The following AIG1 variants were observed in gnomAD, a reference collection of about 807,000 sequenced individuals.
The protein encoded by AIG1 is androgen-induced gene 1 protein.
In AIG1, 23 loss-of-function variants were observed where a neutral mutation model predicts 31.4. The ratio of observed to expected loss-of-function variants is 0.73; its 90% CI spans 0.53 to 1.04. The LOEUF is 1.04. Ranked by LOEUF, AIG1 falls within the 50% of genes least tolerant of loss-of-function variation. AIG1 has a pLI of 0.00. For synonymous variants in AIG1, 100 were observed against 110.5 expected, an observed-to-expected ratio of 0.90 and a Z score of 0.60; for missense variants, 274 against 295.0, an observed-to-expected ratio of 0.93 and a Z score of 0.52.
At chr6:143,146,156 C>G (rs1784686037) in intron 2 of AIG1, among the ~76,000 whole-genome samples, 2 of 152,038 alleles carry the variant, frequency 1.3e-5, no homozygotes, top group Admixed American at 1.3e-4. Flanking sequence ...TAGAAATTAT[C>G]ATGTCCTATA....
At chr6:143,069,071 C>T (rs2128459900) in intron 1 of AIG1, among the ~76,000 whole-genome samples, 1 of 151,312 alleles carries the variant, frequency 6.6e-6, no homozygotes, top group South Asian at 2.1e-4. Context: ...TTAGAGTGCA[C>T]TGGCGTGATC....
At chr6:143,273,796 A>G (rs1401529527) in intron 3 of AIG1, among the ~76,000 whole-genome samples, 1 of 152,196 alleles carries the variant, frequency 6.6e-6, no homozygotes, top group Non-Finnish European at 1.5e-5. Context: ...TGCCCCCATG[A>G]TTCAATTTTC....
intron 1 of AIG1, among the ~76,000 whole-genome samples, chr6:143,105,232 C>T (rs552294845): frequency 1.3e-4 from 20 of 152,230 alleles, no homozygotes; most frequent in African/African-American, 2.4e-4. Context: ...ACTGAGAGAA[C>T]GTACATTACA....
intron 4 of AIG1, among the ~76,000 whole-genome samples, chr6:143,295,824 C>T (rs996661959): frequency 6.6e-6 from 1 of 152,026 alleles, no homozygotes; most frequent in African/African-American, 2.4e-5. Context: ...CCCAAAGTCC[C>T]CTCCCTTCAC....
At chr6:143,342,008 C>G (rs980272843), downstream of AIG1, among the ~76,000 whole-genome samples, 2 of 152,332 alleles carry the variant, frequency 1.3e-5, no homozygotes, top group African/African-American at 4.8e-5. Flanking sequence ...TCCCTGCAAT[C>G]TCCGCCTCCC....
In AIG1 at chr6:143,118,197, G is replaced by A. The variant is rs112794435; in HGVS notation, c.142-18638G>A. Among the ~76,000 whole-genome samples the A allele has an allele frequency of 3.1e-3, 467 of 152,122 alleles. 5 individuals carry two copies. The highest frequency in any genetic ancestry group is 0.011 in the African/African-American group (444 of 41,514). ...CATGCCCGGTGAGCACATCATGCCCGGTGATGTAATCCCAGCACTTTGGGA... is the reference window on the plus strand; with the variant it reads ...CATGCCCGGTGAGCACATCATGCCCAGTGATGTAATCCCAGCACTTTGGGA... On this transcript the variant is annotated intron_variant, in intron 1 of 5. Coordinates refer to ENST00000357847, the MANE Select transcript of AIG1 (RefSeq NM_016108.4).
chr6:143,090,817 T>C (rs1422474431), intron 1 of AIG1, among the ~76,000 whole-genome samples: 1 of 152,222 alleles, frequency 6.6e-6, no homozygotes, highest in Non-Finnish European at 1.5e-5. Context: ...GACTGGCAGT[T>C]TCCTAAAATA....
Position 143,240,378 on chromosome 6 carries a change from T to C in AIG1, c.400-43732T>C, listed in dbSNP as rs17072338. 9.4e-3 allele frequency among the ~76,000 whole-genome samples: 1,436 copies of C among 152,360 alleles called. 44 individuals are homozygous for C. Among genetic ancestry groups the C allele is most frequent in the East Asian group, 0.065 (339 of 5,190 alleles). On this transcript the variant is annotated intron_variant, in intron 3 of 5. Transcript: ENST00000357847. Reference sequence around the variant, plus strand: ...AAGTATAACTTTTATATGTTACATATGATGAAAGTTTAGCTTGGAGAAGTT... The same window carrying C: ...AAGTATAACTTTTATATGTTACATACGATGAAAGTTTAGCTTGGAGAAGTT...
In AIG1 at chr6:143,334,993, T is replaced by C. The variant is rs1041152924; in HGVS notation, c.679+1548T>C. On this transcript the variant is annotated intron_variant, in intron 5 of 5. Transcript: ENST00000357847. This position sits in a 1 kb window ranked among gnomAD's most constrained non-coding sequence, Gnocchi z 5.1. Reference sequence around the variant, plus strand: ...GGTTTTTTGAATGATTTGTTTAATTTATGCCATTCTTTTAAGTAACATAAG... The same window carrying C: ...GGTTTTTTGAATGATTTGTTTAATTCATGCCATTCTTTTAAGTAACATAAG... 46 of 991,148 alleles carry C rather than the reference T, an allele frequency of 4.6e-5. No individual in the cohort carries two copies. The Middle Eastern group carries it at 1.9e-3, about 42-fold the overall frequency. 61.4% of individuals were successfully genotyped at this position (991,148 alleles called of 1,614,324 possible). A position where few individuals can be genotyped will look rare whatever the true frequency, so the allele number is the denominator to read the frequency against.
At chr6:143,176,255 T>G (rs1416898298) in intron 3 of AIG1, among the ~76,000 whole-genome samples, 1 of 152,164 alleles carries the variant, frequency 6.6e-6, no homozygotes, top group East Asian at 1.9e-4. Context: ...TGTATTTTTG[T>G]GCACTGGTTT....
At chr6:143,229,807 A>G (rs1052176420) in intron 3 of AIG1, among the ~76,000 whole-genome samples, 3 of 144,872 alleles carry the variant, frequency 2.1e-5, no homozygotes, top group African/African-American at 7.9e-5. Flanking sequence ...AAAAAAAAGG[A>G]TCTTTGACCA....
At chr6:143,203,030 A>G (rs1173074437) in intron 3 of AIG1, among the ~76,000 whole-genome samples, 1 of 152,200 alleles carries the variant, frequency 6.6e-6, no homozygotes, top group Non-Finnish European at 1.5e-5. Flanking sequence ...GTCTCCATCA[A>G]AGATGAGAAG....
chr6:143,311,156 T>C (rs964720176), intron 4 of AIG1, among the ~76,000 whole-genome samples: 5 of 151,846 alleles, frequency 3.3e-5, no homozygotes, highest in Admixed American at 2.0e-4. Context: ...AAAGAAAACT[T>C]ACAGACACGT....
In AIG1 at chr6:143,311,099, G is replaced by A. The variant is rs560447113; in HGVS notation, c.516-22183G>A. 5.3e-5 allele frequency among the ~76,000 whole-genome samples: 8 copies of A among 151,988 alleles called. No individual in the cohort carries two copies. The South Asian group carries it at 8.3e-4, about 16-fold the overall frequency. ...AATACCTCCTAACTCATTCTCTGAG[G>A]CCAGCATTGCCTTAATACCAAAACA... On this transcript the variant is annotated intron_variant, in intron 4 of 5. Transcript: ENST00000357847.
intron 3 of AIG1, among the ~76,000 whole-genome samples, chr6:143,251,343 T>A (rs1165384774): frequency 2.0e-5 from 3 of 152,144 alleles, no homozygotes; most frequent in Non-Finnish European, 4.4e-5. Context: ...TGAGCCACCG[T>A]GCCCGGCCGA....
intron 1 of AIG1, 126 bp from the exon 2 acceptor site, chr6:143,136,709 C>A: frequency 2.2e-6 from 2 of 905,378 alleles, no homozygotes; most frequent in Non-Finnish European, 3.0e-6. Context: ...CTAGGAGCAG[C>A]TCTTTAAAAT....
At chr6:143,208,129 A>G (rs1791271108) in intron 3 of AIG1, among the ~76,000 whole-genome samples, 1 of 152,180 alleles carries the variant, frequency 6.6e-6, no homozygotes, top group Non-Finnish European at 1.5e-5. Flanking sequence ...TGAATGTTCC[A>G]GTGTGCCTTG....
At chr6:143,226,247 T>TATATA (rs59744309) in intron 3 of AIG1, among the ~76,000 whole-genome samples, 16 of 87,642 alleles carry the variant, frequency 1.8e-4, no homozygotes, top group South Asian at 8.2e-4. Context: ...TATATATATA[T>TATATA]TTTTTTTTTT....
rs1777652648 is a variant in AIG1 at position 143,338,218 on chromosome 6, C to A, written c.680-1421C>A. 2.5e-6 allele frequency: 1 copy of A among 392,950 alleles called. No homozygotes were observed. Among genetic ancestry groups the A allele is most frequent in the Non-Finnish European group, 4.5e-6 (1 of 222,938 alleles). 24.3% of individuals were successfully genotyped at this position (392,950 alleles called of 1,614,324 possible). On this transcript the variant is annotated intron_variant, in intron 5 of 5. Transcript: ENST00000357847. The surrounding 1 kb of genome is among the most constrained non-coding windows in gnomAD (Gnocchi z 4.3). ...GTTCAAGACACATGTGCTGTTTGAGCTGAATCTGTGCTGTTTTCTTCTTTC... is the reference window on the plus strand; with the variant it reads ...GTTCAAGACACATGTGCTGTTTGAGATGAATCTGTGCTGTTTTCTTCTTTC...
Sources: gnomAD v4.1 joint callset for allele counts (sites outside exome capture counted in the v4.1 genomes callset) on GRCh38, gnomAD v4.1.1 for gene constraint, Gnocchi (gnomAD v3.1) non-coding constraint, MANE v1.5 for transcripts, NCBI Gene and HGNC (gene_info 2026-07-23, HGNC 2026-07-21) for gene names.